Variants in SYK observed in about 807,000 individuals in gnomAD.
SYK encodes tyrosine-protein kinase SYK.
In SYK, 16 loss-of-function variants were observed where a neutral mutation model predicts 77.8. The ratio of observed to expected loss-of-function variants is 0.21; its 90% CI spans 0.14 to 0.31. The LOEUF is 0.31. Among genes scored for constraint, SYK ranks in the 10% least tolerant of loss-of-function variants. The probability of loss-of-function intolerance (pLI) is 1.00; values close to 1 mark genes in which losing one functional copy is unlikely to be tolerated. For synonymous variants in SYK, 312 were observed against 308.7 expected, an observed-to-expected ratio of 1.01 and a Z score of -0.11; for missense variants, 529 against 814.4, an observed-to-expected ratio of 0.65 and a Z score of 4.26.
chr9:90,801,736 G>A (rs1826737342), upstream of SYK: 1 of 152,206 alleles, frequency 6.6e-6, no homozygotes, highest in Non-Finnish European at 1.5e-5. Context: ...CGCGACACTG[G>A]GAGGAAGTGC....
At chr9:90,847,624 G>A (rs1826648515) in intron 3 of SYK, among the ~76,000 whole-genome samples, 1 of 152,236 alleles carries the variant, frequency 6.6e-6, no homozygotes, top group Non-Finnish European at 1.5e-5. Flanking sequence ...CTGGCATCAG[G>A]CAGGGTATTA....
chr9:90,818,603 C>G (rs1328151757), intron 1 of SYK, among the ~76,000 whole-genome samples: 5 of 152,212 alleles, frequency 3.3e-5, no homozygotes, highest in Non-Finnish European at 7.3e-5. Context: ...TTATTAGTGA[C>G]AGCAACCATA....
At position 90,809,200 on chromosome 9, in the gene SYK, A is replaced by G. The variant is rs115344866; in HGVS notation, c.-42+7307A>G. On this transcript the variant is annotated intron_variant, in intron 1 of 13. Coordinates refer to ENST00000375754, the MANE Select transcript of SYK (RefSeq NM_003177.7). The stretch of plus-strand genomic sequence containing the variant: ...CTGCTGGTGATCTTGTAGCTCTGTC[A>G]TGAAGTCTGTCCTGCTTATTAGGAT... Among the ~76,000 whole-genome samples the G allele has an allele frequency of 7.5e-4, 115 of 152,336 alleles. 2 individuals carry two copies. In the Middle Eastern group the frequency reaches 0.031, roughly 41 times the overall value.
At chr9:90,828,929 T>A (rs977986936) in intron 1 of SYK, among the ~76,000 whole-genome samples, 2 of 152,182 alleles carry the variant, frequency 1.3e-5, no homozygotes, top group Non-Finnish European at 2.9e-5. Context: ...CCTGTCACAC[T>A]GTAGCACTTG....
chr9:90,847,153 G>A (rs1180780758), intron 3 of SYK, among the ~76,000 whole-genome samples: 2 of 152,220 alleles, frequency 1.3e-5, no homozygotes, highest in African/African-American at 4.8e-5. Context: ...AAGGCTGGGA[G>A]GTGCAGCTCT....
At position 90,877,868 on chromosome 9, in the gene SYK, G is replaced by A. The variant is rs183239708; in HGVS notation, c.1391+88G>A. On this transcript the variant is annotated intron_variant, in intron 10 of 13. Coordinates refer to ENST00000375754, the MANE Select transcript of SYK (RefSeq NM_003177.7). ...ATGGGCCGAGCAGCCTGATTTCCTT[G>A]GGAAGCCTTCCCACCCTCCTGTGCC... 120 of 1,437,444 alleles carry A rather than the reference G, an allele frequency of 8.3e-5. No individual in the cohort carries two copies. The East Asian group carries it at 2.5e-3, about 30-fold the overall frequency. 89.0% of individuals were successfully genotyped at this position (1,437,444 alleles called of 1,614,324 possible). A position where few individuals can be genotyped will look rare whatever the true frequency, so the allele number is the denominator to read the frequency against.
At chr9:90,835,037 G>A (rs1826019579) in intron 1 of SYK, among the ~76,000 whole-genome samples, 1 of 152,202 alleles carries the variant, frequency 6.6e-6, no homozygotes, top group African/African-American at 2.4e-5. Context: ...GGAGAGGCCA[G>A]GGATGCTGCT....
intron 1 of SYK, among the ~76,000 whole-genome samples, chr9:90,828,837 G>C (rs545428990): frequency 2.0e-4 from 31 of 152,270 alleles, no homozygotes; most frequent in Admixed American, 5.2e-4. Context: ...ACGGTGACTT[G>C]ACTGTCCTCC....
intron 1 of SYK, among the ~76,000 whole-genome samples, chr9:90,832,665 T>A (rs1324334948): frequency 6.6e-6 from 1 of 152,236 alleles, no homozygotes; most frequent in Non-Finnish European, 1.5e-5. Context: ...CTCACCAGCC[T>A]TTTTTGTCAA....
intron 1 of SYK, among the ~76,000 whole-genome samples, chr9:90,819,998 C>T (rs528681012): frequency 1.3e-5 from 2 of 152,296 alleles, no homozygotes; most frequent in Admixed American, 6.5e-5. Context: ...GGTTACAGGG[C>T]CAATGCAAGC....
chr9:90,829,659 T>G (rs1825807772), intron 1 of SYK, among the ~76,000 whole-genome samples: 3 of 152,228 alleles, frequency 2.0e-5, no homozygotes, highest in South Asian at 4.1e-4. Flanking sequence ...AGGAGGTTCA[T>G]TTTTCTCTCA....
At chr9:90,867,828 A>G (rs940055187) in intron 7 of SYK, among the ~76,000 whole-genome samples, 1 of 152,234 alleles carries the variant, frequency 6.6e-6, no homozygotes, top group African/African-American at 2.4e-5. Flanking sequence ...GAAAATAAAA[A>G]TAAGTTCTTT....
chr9:90,888,911 AG>A (rs1401184596), intron 13 of SYK, among the ~76,000 whole-genome samples: 2 of 152,194 alleles, frequency 1.3e-5, no homozygotes, highest in Admixed American at 6.5e-5. Context: ...GGGCAGTCAA[AG>A]TAAAAAAGTG....
rs942051011 is a variant in SYK, at chr9:90,830,907, C to G, written c.-41-12951C>G. Reference sequence around the variant, plus strand: ...GCCTCCTCTTTCTTATGAAAATTAACCCACAGATGAAGTTTCCTTTCACCC... The same window carrying G: ...GCCTCCTCTTTCTTATGAAAATTAAGCCACAGATGAAGTTTCCTTTCACCC... On this transcript the variant is annotated intron_variant, in intron 1 of 13. Transcript: ENST00000375754. Among the ~76,000 whole-genome samples the G allele has an allele frequency of 2.6e-5, 4 of 152,288 alleles. 1 individual carries two copies. Among genetic ancestry groups the G allele is most frequent in the African/African-American group, 9.6e-5 (4 of 41,542 alleles).
intron 2 of SYK, 23 bp from the exon 3 acceptor site, chr9:90,845,411 C>T (rs749124623): frequency 3.1e-6 from 5 of 1,607,894 alleles, no homozygotes; most frequent in Non-Finnish European, 3.4e-6. Context: ...ATGGTTTACT[C>T]TGCTTTGCTC....
chr9:90,887,405 C>CTTTTTTTT (rs3056951), intron 11 of SYK, among the ~76,000 whole-genome samples: 11 of 128,930 alleles, frequency 8.5e-5, no homozygotes, highest in East Asian at 2.2e-4. Flanking sequence ...TTCTTTCTTT[C>CTTTTTTTT]TTTTTTTTTT....
At chr9:90,862,154 C>A in intron 3 of SYK, 52 bp from the exon 4 acceptor site, 2 of 1,556,974 alleles carry the variant, frequency 1.3e-6, no homozygotes, top group East Asian at 2.3e-5. Context: ...CCCAGGGTCC[C>A]ACCTGGAGAC....
intron 13 of SYK, among the ~76,000 whole-genome samples, chr9:90,894,956 T>G (rs528641781): frequency 1.3e-5 from 2 of 152,348 alleles, no homozygotes; most frequent in South Asian, 4.1e-4. Context: ...TCTTTGCTCC[T>G]GCCATGACAT....
intron 13 of SYK, among the ~76,000 whole-genome samples, chr9:90,893,458 G>A (rs1828871928): frequency 6.6e-6 from 1 of 152,110 alleles, no homozygotes; most frequent in Non-Finnish European, 1.5e-5. Context: ...GTGATATATA[G>A]AGACAGACAG....
Sources: gnomAD v4.1 joint callset for allele counts (sites outside exome capture counted in the v4.1 genomes callset) on GRCh38, gnomAD v4.1.1 for gene constraint, MANE v1.5 for transcripts, NCBI Gene and HGNC (gene_info 2026-07-23, HGNC 2026-07-21) for gene names.